PAM: variants seen among roughly 807,000 people sequenced by gnomAD.
PAM encodes the protein peptidyl-glycine alpha-amidating monooxygenase.
A neutral mutation model predicts 122.1 loss-of-function variants in PAM; 72 were observed. The ratio of observed to expected loss-of-function variants is 0.59; its 90% CI spans 0.49 to 0.72. The LOEUF is 0.72. Among genes scored for constraint, PAM ranks in the 30% least tolerant of loss-of-function variants. The pLI, the probability that PAM is intolerant of heterozygous loss-of-function variation, is 0.00. For synonymous variants in PAM, 389 were observed against 404.4 expected (o/e 0.96, Z 0.46); for missense variants, 1,106 against 1,183.7 (o/e 0.93, Z 0.96).
intron 14 of PAM, among the ~76,000 whole-genome samples, chr5:102,965,319 C>A (rs114906060): frequency 1.8e-3 from 269 of 151,720 alleles, no homozygotes; most frequent in African/African-American, 6.1e-3. Flanking sequence ...ACATCCTGAA[C>A]TTTCTATAAC....
chr5:102,979,363 C>G (rs1433800709), intron 15 of PAM, among the ~76,000 whole-genome samples: 1 of 152,090 alleles, frequency 6.6e-6, no homozygotes, highest in Non-Finnish European at 1.5e-5. Flanking sequence ...TTCTTTCTTA[C>G]TTTGGTATAA....
At chr5:103,028,271 T>A in intron 25 of PAM, 33 bp downstream of exon 25, 1 of 1,481,244 alleles carries the variant, frequency 6.8e-7, no homozygotes, top group Non-Finnish European at 9.4e-7. Context: ...CCCTTCATGT[T>A]TGGTTCAAAG....
chr5:102,895,876 G>A (rs1042815758), intron 3 of PAM: 1 of 151,740 alleles, frequency 6.6e-6, no homozygotes, highest in Non-Finnish European at 1.5e-5. Context: ...GTGAATAAAT[G>A]TTGGCACCAG....
chr5:103,007,778 T>C (rs1205160809), intron 20 of PAM, 121 bp downstream of exon 20: 1 of 646,822 alleles, frequency 1.5e-6, no homozygotes, highest in East Asian at 2.7e-5. Context: ...ATCTTAAAAG[T>C]ATCTTACAAC....
intron 16 of PAM, 65 bp from the exon 17 acceptor site, chr5:103,002,968 C>A: frequency 1.3e-6 from 1 of 778,776 alleles, no homozygotes; most frequent in Non-Finnish European, 2.3e-6. Context: ...TGTGAATGGT[C>A]TGCATTTCTC....
intron 6 of PAM, among the ~76,000 whole-genome samples, chr5:102,926,207 G>C (rs1055983472): frequency 1.3e-5 from 2 of 152,012 alleles, no homozygotes; most frequent in Non-Finnish European, 2.9e-5. Context: ...CCATTCTCCT[G>C]CCTCAGCCTC....
chr5:102,973,145 TAGC>T (rs1017300620), intron 14 of PAM, among the ~76,000 whole-genome samples: 7 of 152,214 alleles, frequency 4.6e-5, no homozygotes, highest in Non-Finnish European at 8.8e-5. Context: ...ATTTCATCAT[TAGC>T]AGCACCTAGT....
At chr5:102,810,850 A>C (rs1767715360) in intron 1 of PAM, among the ~76,000 whole-genome samples, 1 of 152,152 alleles carries the variant, frequency 6.6e-6, no homozygotes, top group Non-Finnish European at 1.5e-5. Context: ...AAAAAAAGTT[A>C]AATCAAACCA....
At chr5:102,945,697 C>G (rs965627906) in intron 7 of PAM, among the ~76,000 whole-genome samples, 12 of 152,174 alleles carry the variant, frequency 7.9e-5, no homozygotes, top group Middle Eastern at 3.4e-3. Context: ...CAGAATAAGT[C>G]TATCCAGCTG....
rs533520508 is a variant in PAM, at chr5:102,844,709, A to G, written c.-373-21114A>G. Among the ~76,000 whole-genome samples, 131 of 152,122 alleles carry G rather than the reference A, an allele frequency of 8.6e-4. 2 individuals are homozygous for G. Among genetic ancestry groups the G allele is most frequent in the Admixed American group, 1.8e-3 (28 of 15,250 alleles). On this transcript the variant is annotated intron_variant, in intron 1 of 25. Coordinates refer to ENST00000438793, the MANE Select transcript of PAM (RefSeq NM_001177306.2). ...AATATAAATAAAAACAAAAAAAAGA[A>G]TGGGCTCTTAAACACAAGGGAAAAG...
chr5:102,855,026 A>G (rs768704862), intron 1 of PAM, among the ~76,000 whole-genome samples: 5 of 152,202 alleles, frequency 3.3e-5, no homozygotes, highest in Non-Finnish European at 5.9e-5. Flanking sequence ...CGATTAAGCT[A>G]AATTTTATTT....
chr5:102,779,650 A>G (rs916904925), intron 1 of PAM, among the ~76,000 whole-genome samples: 1 of 151,874 alleles, frequency 6.6e-6, no homozygotes, highest in Non-Finnish European at 1.5e-5. Flanking sequence ...GCACAATCTA[A>G]TCAGCGGCCA....
chr5:102,988,758 T>C (rs557853336), intron 15 of PAM, among the ~76,000 whole-genome samples: 1 of 152,008 alleles, frequency 6.6e-6, no homozygotes, highest in South Asian at 2.1e-4. Flanking sequence ...AAGATGATGC[T>C]TCAGCAAAGG....
At chr5:102,988,634 A>G (rs866225051) in intron 15 of PAM, among the ~76,000 whole-genome samples, 3 of 141,448 alleles carry the variant, frequency 2.1e-5, no homozygotes, top group African/African-American at 6.3e-5. Context: ...AAAGGGAAAA[A>G]AAAGAAGGAA....
chr5:102,781,755 G>A (rs1434567097), intron 1 of PAM, among the ~76,000 whole-genome samples: 2 of 152,172 alleles, frequency 1.3e-5, no homozygotes, highest in African/African-American at 2.4e-5. Flanking sequence ...ACAGGGACTT[G>A]CATTCATAGA....
Position 102,920,537 on chromosome 5 carries a change from T to C in PAM, c.357-4420T>C, listed in dbSNP as rs1051342185. Among the ~76,000 whole-genome samples, 8 of 152,150 alleles carry C rather than the reference T, an allele frequency of 5.3e-5. No individual in the cohort carries two copies. The East Asian group carries it at 9.6e-4, about 18-fold the overall frequency. On this transcript the variant is annotated intron_variant, in intron 5 of 25. Coordinates refer to ENST00000438793, the MANE Select transcript of PAM (RefSeq NM_001177306.2). ...ACTATATTAATGTCTGTCCATTGCA[T>C]TGAAGTTCACATAGGATTGTCTGAA... is the stretch of plus-strand genomic sequence containing the variant.
At chr5:102,834,177 G>T (rs911918954) in intron 1 of PAM, among the ~76,000 whole-genome samples, 11 of 151,984 alleles carry the variant, frequency 7.2e-5, no homozygotes, top group African/African-American at 2.4e-4. Context: ...GTTTTGTGAT[G>T]ATTTTTTAAA....
At chr5:103,028,054 G>T in intron 24 of PAM, 131 bp from the exon 25 acceptor site, 1 of 677,806 alleles carries the variant, frequency 1.5e-6, no homozygotes, top group Non-Finnish European at 2.6e-6. Context: ...TTAAAAATTA[G>T]AATTGCATAC....
intron 1 of PAM, among the ~76,000 whole-genome samples, chr5:102,852,261 T>C (rs1580941414): frequency 1.3e-5 from 2 of 152,234 alleles, no homozygotes; most frequent in Non-Finnish European, 2.9e-5. Context: ...GGACTACTGA[T>C]TATTTTAAAG....
Sources: allele counts gnomAD v4.1 joint callset (sites outside exome capture counted in the v4.1 genomes callset), GRCh38; gene constraint gnomAD v4.1.1; transcripts MANE v1.5; gene names NCBI Gene and HGNC (gene_info 2026-07-23, HGNC 2026-07-21).